Variants in NDST4 observed in about 807,000 individuals in gnomAD.
NDST4 encodes the protein N-heparan sulfate sulfotransferase 4.
Under a neutral mutation model 100.8 loss-of-function variants are expected in NDST4, and 63 were observed. The observed-to-expected ratio is 0.62, with a 90% confidence interval of 0.51 to 0.77. The LOEUF is 0.77. Ranked by LOEUF, NDST4 falls within the 30% of genes least tolerant of loss-of-function variation. The pLI is 0.00. For synonymous variants in NDST4, 377 were observed against 361.8 expected (o/e 1.04, Z -0.48); for missense variants, 943 against 1,018.4 (o/e 0.93, Z 1.01).
At chr4:115,112,185 T>C (rs1451123610) in intron 1 of NDST4, among the ~76,000 whole-genome samples, 1 of 150,342 alleles carries the variant, frequency 6.7e-6, no homozygotes, top group Admixed American at 6.6e-5. Context: ...GTAGAATAAA[T>C]TACTCTTTTG....
intron 6 of NDST4, among the ~76,000 whole-genome samples, chr4:114,873,748 T>C (rs555102654): frequency 2.0e-4 from 31 of 152,074 alleles, no homozygotes; most frequent in Non-Finnish European, 3.4e-4. Flanking sequence ...CTCATGTCAC[T>C]ACTGTAATTA....
intron 2 of NDST4, among the ~76,000 whole-genome samples, chr4:115,013,793 T>C (rs1046284814): frequency 1.3e-5 from 2 of 151,896 alleles, no homozygotes; most frequent in African/African-American, 4.8e-5. Context: ...TCTATTATGA[T>C]AGAAAAGGCC....
At chr4:114,939,228 G>T (rs1725696987) in intron 4 of NDST4, among the ~76,000 whole-genome samples, 1 of 152,118 alleles carries the variant, frequency 6.6e-6, no homozygotes, top group Non-Finnish European at 1.5e-5. Context: ...GTGTGAGACA[G>T]ATTTTTCTCA....
intron 2 of NDST4, among the ~76,000 whole-genome samples, chr4:115,016,710 A>T (rs919859130): frequency 2.0e-5 from 3 of 152,076 alleles, no homozygotes; most frequent in African/African-American, 7.2e-5. Context: ...ACCTTAGGGC[A>T]TCTTGTAGTA....
chr4:114,908,752 A>G (rs1725004334), intron 6 of NDST4, among the ~76,000 whole-genome samples: 2 of 152,208 alleles, frequency 1.3e-5, no homozygotes, highest in Admixed American at 1.3e-4. Flanking sequence ...TACACACGGG[A>G]GACTTTCAAA....
rs561421915 is a variant in NDST4 at position 114,941,833 on chromosome 4, A to G, written c.1222-4330T>C. ...ATTTTGGAAGCACTGAAATCATTAA[A>G]TAAAGTCTTCTTGTTTAAAATAACT... On this transcript the variant is annotated intron_variant, in intron 4 of 13. Coordinates refer to ENST00000264363, the MANE Select transcript of NDST4 (RefSeq NM_022569.3). Among the ~76,000 whole-genome samples, 21 of 152,322 alleles carry G rather than the reference A, an allele frequency of 1.4e-4. No individual in the cohort carries two copies. In the Middle Eastern group the frequency reaches 0.014, roughly 99 times the overall value.
At chr4:115,066,824 G>A (rs1728956319) in intron 2 of NDST4, among the ~76,000 whole-genome samples, 1 of 152,164 alleles carries the variant, frequency 6.6e-6, no homozygotes, top group South Asian at 2.1e-4. Flanking sequence ...TTTCAGGGAA[G>A]TATTGCTGAT....
chr4:114,949,744 T>C (rs1725948299), intron 4 of NDST4, among the ~76,000 whole-genome samples: 3 of 152,096 alleles, frequency 2.0e-5, no homozygotes, highest in Admixed American at 2.0e-4. Flanking sequence ...CAATGTTCAA[T>C]GCCCACTACC....
chr4:114,996,111 T>A (rs953065424), intron 2 of NDST4, among the ~76,000 whole-genome samples: 7 of 152,096 alleles, frequency 4.6e-5, no homozygotes, highest in African/African-American at 1.7e-4. Context: ...CCCACTCAAA[T>A]CTCACCTTGA....
intron 4 of NDST4, among the ~76,000 whole-genome samples, chr4:114,947,774 T>G (rs1219318907): frequency 6.6e-6 from 1 of 152,148 alleles, no homozygotes; most frequent in Non-Finnish European, 1.5e-5. Flanking sequence ...GTAAATATCT[T>G]GGCATATTTC....
intron 1 of NDST4, among the ~76,000 whole-genome samples, chr4:115,083,524 C>A (rs961040396): frequency 6.6e-6 from 1 of 152,156 alleles, no homozygotes; most frequent in Non-Finnish European, 1.5e-5. Flanking sequence ...TGTTCATATA[C>A]ATTAACTGCA....
chr4:115,053,133 T>C (rs1728620587), intron 2 of NDST4, among the ~76,000 whole-genome samples: 2 of 152,168 alleles, frequency 1.3e-5, no homozygotes, highest in Admixed American at 1.3e-4. Flanking sequence ...ATGTATTGAC[T>C]GAAAGTAAAA....
chr4:115,080,429 G>A (rs1045721720), intron 1 of NDST4, among the ~76,000 whole-genome samples: 2 of 152,038 alleles, frequency 1.3e-5, no homozygotes, highest in African/African-American at 2.4e-5. Context: ...GAGTGACTAC[G>A]CCCAGCCAAA....
intron 7 of NDST4, among the ~76,000 whole-genome samples, chr4:114,854,466 G>T (rs1033095908): frequency 3.9e-5 from 6 of 152,060 alleles, no homozygotes; most frequent in Non-Finnish European, 7.4e-5. Context: ...TCAATATACT[G>T]ATTTCCTTTC....
chr4:114,942,568 A>T lies in NDST4; in HGVS notation c.1222-5065T>A, dbSNP rs184050661. On this transcript the variant is annotated intron_variant, in intron 4 of 13. Transcript: ENST00000264363. The stretch of plus-strand genomic sequence containing the variant: ...CTACAATTTTAATCTTCCTCAGGCT[A>T]TTATTAGTAATTGGGTAAATGCAAT... 3.6e-3 allele frequency among the ~76,000 whole-genome samples: 544 copies of T among 152,194 alleles called. 4 individuals carry two copies. The highest frequency in any genetic ancestry group is 0.012 in the African/African-American group (496 of 41,568).
Position 114,914,445 on chromosome 4 carries a change from C to A in NDST4, c.1536+20761G>T, listed in dbSNP as rs567133691. 4.6e-5 allele frequency among the ~76,000 whole-genome samples: 7 copies of A among 152,088 alleles called. No homozygotes were observed. In the South Asian group the frequency reaches 1.5e-3, roughly 32 times the overall value. On this transcript the variant is annotated intron_variant, in intron 6 of 13. Transcript: ENST00000264363. ...CTCATACATCCCATAAATATATATACCTACTGTGTACCCACAAAAATTAAA... is the reference window on the plus strand; with the variant it reads ...CTCATACATCCCATAAATATATATAACTACTGTGTACCCACAAAAATTAAA...
chr4:115,062,335 A>G lies in NDST4; in HGVS notation c.978+13724T>C, dbSNP rs538648512. 1.3e-3 allele frequency among the ~76,000 whole-genome samples: 194 copies of G among 152,192 alleles called. 2 individuals are homozygous for G. Among genetic ancestry groups the G allele is most frequent in the African/African-American group, 4.3e-3 (177 of 41,526 alleles). ...AACAAAGAATATACCGTAAGCAAAC[A>G]AAGTAATTTTAACACATTTCAAAAT... On this transcript the variant is annotated intron_variant, in intron 2 of 13. Transcript: ENST00000264363.
intron 1 of NDST4, among the ~76,000 whole-genome samples, chr4:115,080,705 TGTG>T (rs1312536905): frequency 2.7e-4 from 15 of 54,558 alleles, no homozygotes; most frequent in Middle Eastern, 7.8e-3. Context: ...TGTGTGTGTG[TGTG>T]TAATAATGAA....
At chr4:114,950,973 A>C (rs2126231959) in intron 4 of NDST4, among the ~76,000 whole-genome samples, 1 of 152,144 alleles carries the variant, frequency 6.6e-6, no homozygotes, top group South Asian at 2.1e-4. Context: ...GTGTCAAGTA[A>C]GTTGCTCAGC....
Sources: gnomAD v4.1 joint callset for allele counts (sites outside exome capture counted in the v4.1 genomes callset) on GRCh38, gnomAD v4.1.1 for gene constraint, MANE v1.5 for transcripts, NCBI Gene and HGNC (gene_info 2026-07-23, HGNC 2026-07-21) for gene names.